OBP2A: variants seen among roughly 807,000 people sequenced by gnomAD.
OBP2A encodes odorant-binding protein 2a.
OBP2A carries 15 observed loss-of-function variants against 21.9 expected under a neutral mutation model. That is an observed-to-expected ratio of 0.69 (90% CI 0.46 to 1.06). The LOEUF is 1.06. Among genes scored for constraint, OBP2A ranks in the 50% least tolerant of loss-of-function variants. OBP2A has a pLI of 0.00. For synonymous variants in OBP2A, 86 were observed against 91.8 expected, an observed-to-expected ratio of 0.94 and a Z score of 0.36; for missense variants, 192 against 220.1, an observed-to-expected ratio of 0.87 and a Z score of 0.81.
intron 4 of OBP2A, 47 bp from the exon 5 acceptor site, chr9:135,548,661 C>T (rs1399405070): frequency 1.2e-6 from 2 of 1,612,308 alleles, no homozygotes; most frequent in Admixed American, 1.7e-5. Context: ...CCCTGCAGGG[C>T]CGTGCCGCTG....
Position 135,547,517 on chromosome 9 carries a change from G to A in OBP2A, c.277+269G>A, listed in dbSNP as rs529540116. On this transcript the variant is annotated intron_variant, in intron 3 of 6. Transcript: ENST00000371776. ...CACATTGAGGAATCCGAGTGTTAGG[G>A]ACCAGGAGGCCGAGGGTTAGGGATG... 8.5e-4 allele frequency among the ~76,000 whole-genome samples: 129 copies of A among 152,374 alleles called. No homozygotes were observed. The Middle Eastern group carries it at 0.017, about 20-fold the overall frequency.
rs771649668 is a variant in OBP2A, at chr9:135,548,712, G to T, written c.393G>T (p.Arg131Ser). ...GLRYMGKLVG[R>S]NPNTNLEALE... is the part of the protein sequence containing the mutation. Reference sequence around the variant, plus strand: ...ACCTGGCCACCTCACCTGCAGGTAGGAATCCTAATACCAACCTGGAGGCCC... The same window carrying T: ...ACCTGGCCACCTCACCTGCAGGTAGTAATCCTAATACCAACCTGGAGGCCC... Residue 131 changes from arginine to serine, a missense_variant, in exon 5 of 7, where the codon AGG becomes AGT. By Grantham distance (110) the Arg-to-Ser change is moderately radical. Transcript: ENST00000371776. 6.2e-7 allele frequency: 1 copy of T among 1,613,998 alleles called. No individual in the cohort carries two copies. The highest frequency in any genetic ancestry group is 2.2e-5 in the East Asian group (1 of 44,872).
At chr9:135,549,065 GGCT>G (rs1440697795) in intron 5 of OBP2A, among the ~76,000 whole-genome samples, 1 of 74,630 alleles carries the variant, frequency 1.3e-5, no homozygotes, top group African/African-American at 5.9e-5. Context: ...TGGGGTCTGG[GGCT>G]CCGCGCTCTG....
intron 4 of OBP2A, among the ~76,000 whole-genome samples, chr9:135,548,477 T>A (rs1164302120): frequency 2.0e-5 from 3 of 151,830 alleles, no homozygotes; most frequent in Non-Finnish European, 4.4e-5. Flanking sequence ...GTCTCCTCTG[T>A]CCCCAGTCCC....
intron 5 of OBP2A, 106 bp downstream of exon 5, chr9:135,548,915 C>T (rs2118999879): frequency 1.6e-6 from 2 of 1,212,830 alleles, no homozygotes; most frequent in Non-Finnish European, 2.4e-6. Context: ...TCCCCGTGTG[C>T]CCCGAGTCTC....
chr9:135,548,159 TG>T (rs1832001942), intron 4 of OBP2A, among the ~76,000 whole-genome samples, 178 bp downstream of exon 4: 1 of 151,810 alleles, frequency 6.6e-6, no homozygotes, highest in Admixed American at 6.6e-5. Flanking sequence ...GAAGTGGGAG[TG>T]GGGTGGGCCA....
At chr9:135,547,431 G>A (rs1364273643) in intron 3 of OBP2A, among the ~76,000 whole-genome samples, 183 bp downstream of exon 3, 1 of 152,220 alleles carries the variant, frequency 6.6e-6, no homozygotes, top group Non-Finnish European at 1.5e-5. Flanking sequence ...GGTGTGACAG[G>A]CTTGTCCACA....
chr9:135,546,881 G>A lies in OBP2A; in HGVS notation c.176G>A (p.Gly59Asp), dbSNP rs1831948970. Residue 59 changes from glycine to aspartate, a missense_variant, in exon 2 of 7, where the codon GGT becomes GAT. Physicochemically the swap from Gly to Asp is moderately conservative, Grantham distance 94 (BLOSUM62 -1). Transcript: ENST00000371776. ...VSPVKVTALG[G>D]GNLEATFTFM... ...CCAGTGAAGGTGACAGCCCTGGGCG[G>A]TGGGAACTTGGAAGCCACGTTCACC... 2 of 1,613,706 alleles carry A rather than the reference G, an allele frequency of 1.2e-6. No homozygotes were observed. Among genetic ancestry groups the A allele is most frequent in the East Asian group, 2.2e-5 (1 of 44,878 alleles).
At position 135,548,792 on chromosome 9, in the gene OBP2A, T is replaced by C; in HGVS notation, c.473T>C (p.Phe158Ser). ...AAGGGACTCTCGGAGGAGGACATTTTCATGCCCCTGCAGACGGGTGAGGAC... is the reference window on the plus strand; with the variant it reads ...AAGGGACTCTCGGAGGAGGACATTTCCATGCCCCTGCAGACGGGTGAGGAC... ...QHKGLSEEDI[F>S]MPLQTGSCVL... The change falls in exon 5 of 7, where the codon TTC becomes TCC. Residue 158 changes from phenylalanine (F) to serine (S), a missense_variant. Coordinates refer to ENST00000371776, the MANE Select transcript of OBP2A (RefSeq NM_014582.3). The C allele has an allele frequency of 3.1e-6, 5 of 1,613,912 alleles. No individual in the cohort carries two copies. The highest frequency in any genetic ancestry group is 4.2e-6 in the Non-Finnish European group (5 of 1,179,808).
chr9:135,546,826 C>G lies in OBP2A; in HGVS notation c.121C>G (p.Pro41Ala). Residue 41 changes from proline to alanine, a missense_variant, in exon 2 of 7, where the codon CCG (proline) becomes GCG (alanine). Transcript: ENST00000371776. ...GGCCATGGTGGTCGATAAGGACTTT[C>G]CGGAGGACAGGAGGCCCAGGAAGGT... ...VKAMVVDKDF[P>A]EDRRPRKVSP... 1 of 1,613,326 alleles carries G rather than the reference C, an allele frequency of 6.2e-7. No individual in the cohort carries two copies. Among genetic ancestry groups the G allele is most frequent in the East Asian group, 2.2e-5 (1 of 44,828 alleles).
At chr9:135,548,030 C>A in intron 4 of OBP2A, 49 bp downstream of exon 4, 1 of 1,346,946 alleles carries the variant, frequency 7.4e-7, no homozygotes, top group Non-Finnish European at 1.0e-6. Flanking sequence ...GTCTCTGCCT[C>A]CAGAAGCCAG....
At chr9:135,548,993 C>G (rs4841878) in intron 5 of OBP2A, among the ~76,000 whole-genome samples, 184 bp downstream of exon 5, 7,082 of 20,948 alleles carry the variant, frequency 0.34, 1,764 homozygotes, top group African/African-American at 0.49. Flanking sequence ...GGCTGCGATG[C>G]GGTCTGGGGC....
At chr9:135,546,720 A>G in intron 1 of OBP2A, 58 bp from the exon 2 acceptor site, 14 of 1,545,810 alleles carry the variant, frequency 9.1e-6, no homozygotes, top group Non-Finnish European at 1.1e-5. Context: ...CCTGAGTGCC[A>G]GGGTCAGAGT....
chr9:135,547,394 G>A (rs1831969736), intron 3 of OBP2A, 146 bp downstream of exon 3: 2 of 967,868 alleles, frequency 2.1e-6, no homozygotes, highest in Non-Finnish European at 3.2e-6. Context: ...CTTCCTGGGG[G>A]GCTGGTGGCC....
At chr9:135,548,361 C>A (rs1277551281) in intron 4 of OBP2A, among the ~76,000 whole-genome samples, 2 of 152,066 alleles carry the variant, frequency 1.3e-5, no homozygotes, top group Non-Finnish European at 2.9e-5. Flanking sequence ...GGGTTATGAC[C>A]CTGCAGAGTG....
chr9:135,547,240 T>G lies in OBP2A; in HGVS notation c.269T>G (p.Phe90Cys). The G allele has an allele frequency of 6.2e-7, 1 of 1,603,860 alleles. No homozygotes were observed. The highest frequency in any genetic ancestry group is 8.5e-7 in the Non-Finnish European group (1 of 1,171,132). ...CGGAAGACGGAGGAGCCTGGCAAATTCAGCGCCTGTGAGCCCCTCCCCGAC... is the reference window on the plus strand; with the variant it reads ...CGGAAGACGGAGGAGCCTGGCAAATGCAGCGCCTGTGAGCCCCTCCCCGAC... Reference protein sequence around the residue: ...LMRKTEEPGKFSAYGGRKLIY... With the variant: ...LMRKTEEPGKCSAYGGRKLIY... The change falls in exon 3 of 7, where the codon TTC becomes TGC. Residue 90 changes from phenylalanine to cysteine, a missense_variant. Phe to Cys is a radical substitution (Grantham distance 205, BLOSUM62 -2). Transcript: ENST00000371776.
At chr9:135,547,582 G>T (rs1290442907) in intron 3 of OBP2A, among the ~76,000 whole-genome samples, 2 of 152,252 alleles carry the variant, frequency 1.3e-5, no homozygotes, top group African/African-American at 4.8e-5. Context: ...GAATCCGAGG[G>T]TTAGGGACAG....
At chr9:135,549,643 T>C (rs28399074) in intron 6 of OBP2A, 194 bp from the exon 7 acceptor site, 174,055 of 573,298 alleles carry the variant, frequency 0.3, 29,326 homozygotes, top group African/African-American at 0.55. Flanking sequence ...CCACTCGGTC[T>C]ACTCCCCCCC....
intron 3 of OBP2A, among the ~76,000 whole-genome samples, chr9:135,547,564 G>A (rs1172778885): frequency 6.6e-6 from 1 of 152,242 alleles, no homozygotes; most frequent in Non-Finnish European, 1.5e-5. Flanking sequence ...CTGAGGGTTT[G>A]GGATCAGGAA....
Sources: gnomAD v4.1 joint callset for allele counts (sites outside exome capture counted in the v4.1 genomes callset) on GRCh38, gnomAD v4.1.1 for gene constraint, MANE v1.5 for transcripts, NCBI Gene and HGNC (gene_info 2026-07-23, HGNC 2026-07-21) for gene names.